VLDLR: variants seen among roughly 807,000 people sequenced by gnomAD.
The protein encoded by VLDLR is very low density lipoprotein receptor, also known as very low-density lipoprotein receptor.
A neutral mutation model predicts 112.7 loss-of-function variants in VLDLR; 81 were observed. The ratio of observed to expected loss-of-function variants is 0.72; its 90% CI spans 0.60 to 0.86. The LOEUF (loss-of-function observed/expected upper bound fraction) is 0.86, where lower values mean the gene tolerates loss of function less well. Ranked by LOEUF, VLDLR falls within the 40% of genes least tolerant of loss-of-function variation. The pLI, the probability that VLDLR is intolerant of heterozygous loss-of-function variation, is 0.00. For synonymous variants in VLDLR, 436 were observed against 384.8 expected (o/e 1.13, Z -1.56); for missense variants, 1,237 against 1,099.4 (o/e 1.13, Z -1.77).
chr9:2,625,341 T>C (rs150649600), intron 1 of VLDLR, among the ~76,000 whole-genome samples: 1 of 152,210 alleles, frequency 6.6e-6, no homozygotes, highest in African/African-American at 2.4e-5. Context: ...TCCCAAACCT[T>C]GAAGACTTGG....
chr9:2,632,543 A>T (rs1343955974), intron 1 of VLDLR, among the ~76,000 whole-genome samples: 1 of 152,220 alleles, frequency 6.6e-6, no homozygotes, highest in Non-Finnish European at 1.5e-5. Flanking sequence ...ACTTTCATGG[A>T]TGGAAATAGA....
In VLDLR at chr9:2,634,194, G is replaced by A. The variant is rs35621450; in HGVS notation, c.83-1259G>A. On this transcript the variant is annotated intron_variant, in intron 1 of 18. Transcript: ENST00000382100. The stretch of plus-strand genomic sequence containing the variant: ...CTCCCTGGGAAGAGCCACAAAGCAC[G>A]AAATGCTCCCAGACAGCAGGGAGTA... Among the ~76,000 whole-genome samples the A allele has an allele frequency of 5.9e-3, 894 of 152,240 alleles. 5 individuals carry two copies. The highest frequency in any genetic ancestry group is 0.019 in the African/African-American group (803 of 41,538).
Position 2,643,666 on chromosome 9 carries a change from G to A in VLDLR, c.859G>A (p.Asp287Asn). The stretch of plus-strand genomic sequence containing the variant: ...CCGACCTGACCAATTTGAATGTGAG[G>A]ATGGCAGCTGCATCCATGGCAGCAG... ...TCRPDQFECE[D>N]GSCIHGSRQC... The change falls in exon 6 of 19, where the codon GAT (aspartate) becomes AAT (asparagine). Residue 287 changes from aspartate to asparagine, a missense_variant. Coordinates refer to ENST00000382100, the MANE Select transcript of VLDLR (RefSeq NM_003383.5). 2 of 1,614,208 alleles carry A rather than the reference G, an allele frequency of 1.2e-6. No homozygotes were observed. Among genetic ancestry groups the A allele is most frequent in the South Asian group, 1.1e-5 (1 of 91,080 alleles).
intron 15 of VLDLR, among the ~76,000 whole-genome samples, chr9:2,650,780 C>T (rs1364598129): frequency 6.6e-6 from 1 of 152,122 alleles, no homozygotes; most frequent in Non-Finnish European, 1.5e-5. Flanking sequence ...CTGAGCTAGC[C>T]AACTTGCAGG....
At chr9:2,632,410 A>C (rs1374467573) in intron 1 of VLDLR, among the ~76,000 whole-genome samples, 1 of 152,188 alleles carries the variant, frequency 6.6e-6, no homozygotes, top group East Asian at 1.9e-4. Flanking sequence ...TCTACTTCCA[A>C]GGTATTTTTT....
At chr9:2,639,605 G>A (rs896495450) in intron 2 of VLDLR, among the ~76,000 whole-genome samples, 1 of 152,114 alleles carries the variant, frequency 6.6e-6, no homozygotes, top group South Asian at 2.1e-4. Flanking sequence ...AGGTATCTCC[G>A]AGTTGTAAGA....
rs7043836 is a variant in VLDLR at position 2,651,714 on chromosome 9, T to G, written c.2336-160T>G. ...TCAGTGAAATGGCTACTACAGCATG[T>G]GACTCAAATACTTCTAAGCCAGAGT... On this transcript the variant is annotated intron_variant, in intron 16 of 18. Transcript: ENST00000382100. Among the ~76,000 whole-genome samples, 10,236 of 152,316 alleles carry G rather than the reference T, an allele frequency of 0.067. 572 individuals carry two copies. The highest frequency in any genetic ancestry group is 0.15 in the African/African-American group (6,303 of 41,552).
chr9:2,648,630 A>C (rs1277541339), intron 13 of VLDLR, 39 bp from the exon 14 acceptor site: 1 of 1,614,180 alleles, frequency 6.2e-7, no homozygotes, highest in Non-Finnish European at 8.5e-7. Flanking sequence ...ACTTGTGTTA[A>C]TCCTGGATGT....
chr9:2,644,042 T>C, intron 7 of VLDLR, 83 bp downstream of exon 7: 2 of 1,602,160 alleles, frequency 1.2e-6, no homozygotes, highest in Non-Finnish European at 1.7e-6. Flanking sequence ...CCCCCCGTGA[T>C]GGCTAGTTAA....
In VLDLR at chr9:2,655,460, A is replaced by G. The variant is rs1818560138; in HGVS notation, c.*1592A>G. The G allele has an allele frequency of 6.6e-6, 1 of 152,210 alleles. No homozygotes were observed. The highest frequency in any genetic ancestry group is 6.5e-5 in the Admixed American group (1 of 15,274). The allele number at this position is 152,210 out of a possible 1,614,324, so 9.4% of individuals were successfully genotyped here. On this transcript the variant is annotated 3_prime_UTR_variant, in exon 19 of 19. Coordinates refer to ENST00000382100, the MANE Select transcript of VLDLR (RefSeq NM_003383.5). ...TGGAAGGTACAGCAATTCCTCTGGAATTAAATGACCGACCAACACAGTACC... is the reference window on the plus strand; with the variant it reads ...TGGAAGGTACAGCAATTCCTCTGGAGTTAAATGACCGACCAACACAGTACC...
Position 2,643,420 on chromosome 9 carries a change from A to G in VLDLR, c.709A>G (p.Thr237Ala). ...GTGTGGCCGTCAGCCAGTCATACAC[A>G]CCAAGTGTCCAGCCAGCGAAATCCA... ...EQCGRQPVIH[T>A]KCPASEIQCG... Residue 237 changes from threonine (T) to alanine (A), a missense_variant, in exon 5 of 19, where the codon ACC becomes GCC. Thr to Ala is a moderately conservative substitution (Grantham distance 58). Coordinates refer to ENST00000382100, the MANE Select transcript of VLDLR (RefSeq NM_003383.5). The G allele has an allele frequency of 6.2e-7, 1 of 1,614,164 alleles. No homozygotes were observed. The highest frequency in any genetic ancestry group is 1.1e-5 in the South Asian group (1 of 91,086).
rs1586656758 is a variant in VLDLR at position 2,648,693 on chromosome 9, G to T, written c.1987G>T (p.Glu663Ter). ...FEDRVYWIDG[E>*]NEAVYGANKF... ...GGATCGTGTCTACTGGATAGATGGGGAAAATGAAGCAGTCTATGGTGCCAA... is the reference window on the plus strand; with the variant it reads ...GGATCGTGTCTACTGGATAGATGGGTAAAATGAAGCAGTCTATGGTGCCAA... The change falls in exon 14 of 19, where the codon GAA (glutamate) becomes TAA (stop). Residue 663 changes from glutamate (E) to a stop codon, truncating the protein, a stop_gained. Coordinates refer to ENST00000382100, the MANE Select transcript of VLDLR (RefSeq NM_003383.5). LOFTEE classifies it high-confidence loss of function. 1 of 1,614,074 alleles carries T rather than the reference G, an allele frequency of 6.2e-7. No individual in the cohort carries two copies. The highest frequency in any genetic ancestry group is 1.3e-5 in the African/African-American group (1 of 74,928).
chr9:2,625,293 G>A (rs1817040274), intron 1 of VLDLR, among the ~76,000 whole-genome samples: 2 of 152,170 alleles, frequency 1.3e-5, no homozygotes, highest in African/African-American at 4.8e-5. Context: ...AAGATCAAGG[G>A]AACACATAGT....
At chr9:2,633,809 C>T (rs1451540104) in intron 1 of VLDLR, among the ~76,000 whole-genome samples, 4 of 152,146 alleles carry the variant, frequency 2.6e-5, no homozygotes, top group Non-Finnish European at 5.9e-5. Flanking sequence ...GTACCCTCAG[C>T]ATTGAGAATA....
chr9:2,647,655 C>A, intron 12 of VLDLR, 63 bp downstream of exon 12: 1 of 1,423,924 alleles, frequency 7.0e-7, no homozygotes, highest in Non-Finnish European at 9.9e-7. Flanking sequence ...CCATTTATCT[C>A]CATGGTGAAT....
At chr9:2,631,580 T>G (rs1054525140) in intron 1 of VLDLR, among the ~76,000 whole-genome samples, 5 of 152,152 alleles carry the variant, frequency 3.3e-5, no homozygotes, top group Non-Finnish European at 7.3e-5. Flanking sequence ...ACAAATATCT[T>G]ATGTTCTCAA....
In VLDLR at chr9:2,635,545, G is replaced by A. The variant is rs6149; in HGVS notation, c.175G>A (p.Val59Ile). The change falls in exon 2 of 19, where the codon GTT becomes ATT. Residue 59 changes from valine (V) to isoleucine (I), a missense_variant. Physicochemically the swap from Val to Ile is conservative, Grantham distance 29. Transcript: ENST00000382100. ...LWKCDGDEDCVDGSDEKNCVK... is the reference protein window; with the variant it reads ...LWKCDGDEDCIDGSDEKNCVK... Reference sequence around the variant, plus strand: ...GAAATGTGATGGGGATGAAGACTGTGTTGACGGCAGTGATGAAAAGAACTG... The same window carrying A: ...GAAATGTGATGGGGATGAAGACTGTATTGACGGCAGTGATGAAAAGAACTG... 0.018 allele frequency: 28,577 copies of A among 1,614,058 alleles called. 1,232 individuals carry two copies. Among genetic ancestry groups the A allele is most frequent in the African/African-American group, 0.16 (12,231 of 74,996 alleles).
chr9:2,634,679 C>T (rs1817523135), intron 1 of VLDLR, among the ~76,000 whole-genome samples: 1 of 152,182 alleles, frequency 6.6e-6, no homozygotes, highest in Non-Finnish European at 1.5e-5. Context: ...CTTTCCTTTC[C>T]TCTCCTCTTT....
At chr9:2,640,778 A>G (rs1412755098) in intron 3 of VLDLR, among the ~76,000 whole-genome samples, 3 of 152,192 alleles carry the variant, frequency 2.0e-5, no homozygotes, top group Admixed American at 2.0e-4. Context: ...ATAAGAAGTG[A>G]GGGGAGTAAT....
Sources: gnomAD v4.1 joint callset for allele counts (sites outside exome capture counted in the v4.1 genomes callset) on GRCh38, gnomAD v4.1.1 for gene constraint, MANE v1.5 for transcripts, NCBI Gene and HGNC (gene_info 2026-07-23, HGNC 2026-07-21) for gene names.